Variants in MADD observed in about 807,000 individuals in gnomAD.
The protein encoded by MADD is MAP kinase-activating death domain protein.
MADD carries 109 observed loss-of-function variants against 176.7 expected under a neutral mutation model. The observed-to-expected ratio is 0.62, with a 90% CI of 0.53 to 0.72. The LOEUF (loss-of-function observed/expected upper bound fraction) is 0.72, where lower values mean the gene tolerates loss of function less well. MADD is among the 30% of genes least tolerant of loss of function. The pLI is 0.00. For missense variants in MADD, 1,914 were observed against 2,045.5 expected, an observed-to-expected ratio of 0.94 and a Z score of 1.24; for synonymous variants, 771 against 771.3, an observed-to-expected ratio of 1.00 and a Z score of 0.01.
intron 19 of MADD, among the ~76,000 whole-genome samples, chr11:47,291,182 G>C (rs931954914): frequency 6.6e-6 from 1 of 152,078 alleles, no homozygotes; most frequent in African/African-American, 2.4e-5. Context: ...GCATTTTTGG[G>C]CTATAAAATT....
chr11:47,290,859 C>T, intron 19 of MADD, 43 bp downstream of exon 20: 2 of 1,458,748 alleles, frequency 1.4e-6, no homozygotes, highest in Non-Finnish European at 1.9e-6. Flanking sequence ...GTCCTGGCTT[C>T]TTAAATATCC....
exon 33 of MADD, chr11:47,329,139 G>C: frequency 6.2e-7 from 1 of 1,613,900 alleles, no homozygotes; most frequent in East Asian, 2.2e-5. Flanking sequence ...GCCCCGGCCT[G>C]TCTCTAGCTG....
chr11:47,275,008 C>T lies in MADD; in HGVS notation c.508C>T (p.Arg170Cys), dbSNP rs752184946. 70 of 1,614,106 alleles carry T rather than the reference C, an allele frequency of 4.3e-5. No homozygotes were observed. Among genetic ancestry groups the T allele is most frequent in the Non-Finnish European group, 5.1e-5 (60 of 1,180,052 alleles). Residue 170 changes from arginine (R) to cysteine (C), a missense_variant, in exon 3 of 33, where the codon CGC becomes TGC. By Grantham distance (180) the Arg-to-Cys change is radical. Coordinates refer to ENST00000402192, the Ensembl canonical transcript of MADD. ...CCGGGCCAAGGCGGGGAGCCGCTCCCGCAACAGTACTCTCACGTCCCTGTG... is the reference window on the plus strand; with the variant it reads ...CCGGGCCAAGGCGGGGAGCCGCTCCTGCAACAGTACTCTCACGTCCCTGTG...
exon 33 of MADD, chr11:47,329,225 G>C: frequency 9.0e-7 from 1 of 1,111,024 alleles, no homozygotes; most frequent in Non-Finnish European, 1.4e-6. Context: ...GCACGATGCT[G>C]CTGTGACTGA....
At chr11:47,328,269 G>T (rs1298738232) in intron 31 of MADD, 1 of 1,136,324 alleles carries the variant, frequency 8.8e-7, no homozygotes, top group Non-Finnish European at 1.1e-6. Flanking sequence ...AAGCTAGAGA[G>T]AGCTCTCTCC....
upstream of MADD, chr11:47,269,733 C>A (rs1958413976): frequency 6.6e-6 from 1 of 151,652 alleles, no homozygotes; most frequent in Non-Finnish European, 1.5e-5. Context: ...GCTCGGACGC[C>A]GAGCACCGCC....
rs1194207255 is a variant in MADD at position 47,278,713 on chromosome 11, A to G, written c.1210-286A>G. ...TGGTGGGAAGCCCTTATGTGTGCTCATTGTAAAACTTAAAAAAAATAAAAA... is the reference window on the plus strand; with the variant it reads ...TGGTGGGAAGCCCTTATGTGTGCTCGTTGTAAAACTTAAAAAAAATAAAAA... On this transcript the variant is annotated intron_variant, in intron 6 of 32. Coordinates refer to ENST00000402192, the Ensembl canonical transcript of MADD. Among the ~76,000 whole-genome samples, 4 of 152,180 alleles carry G rather than the reference A, an allele frequency of 2.6e-5. 1 individual carries two copies. Among genetic ancestry groups the G allele is most frequent in the Non-Finnish European group, 5.9e-5 (4 of 68,028 alleles).
rs182735 is a variant in MADD at position 47,291,161 on chromosome 11, A to G, written c.3301+345A>G. On this transcript the variant is annotated intron_variant, in intron 19 of 32. Transcript: ENST00000402192. ...AGAGAATTCCTGGAAGTGCTCAGGA[A>G]GTTTATAGATGCATTTTTGGGCTAT... is the stretch of plus-strand genomic sequence containing the variant. Among the ~76,000 whole-genome samples the G allele has an allele frequency of 6.4e-4, 97 of 152,250 alleles. 1 individual carries two copies. Among genetic ancestry groups the G allele is most frequent in the African/African-American group, 2.3e-3 (95 of 41,542 alleles).
chr11:47,283,918 G>A (rs1429975698), intron 10 of MADD, among the ~76,000 whole-genome samples: 1 of 152,250 alleles, frequency 6.6e-6, no homozygotes, highest in Admixed American at 6.5e-5. Context: ...ATGTTTGCCA[G>A]GCTGGTCTCA....
At chr11:47,327,803 C>G (rs1327011082) in intron 31 of MADD, 1 of 985,338 alleles carries the variant, frequency 1.0e-6, no homozygotes, top group East Asian at 1.1e-4. Context: ...CCTGCCTTTT[C>G]TGGCCCCCAG....
At chr11:47,327,050 C>T (rs563612396) in intron 31 of MADD, 3 of 1,260,228 alleles carry the variant, frequency 2.4e-6, no homozygotes, top group East Asian at 6.7e-5. Flanking sequence ...TAGAGGTGGT[C>T]CTGAAGCAGC....
chr11:47,269,598 CCGCGG>C (rs1217783270), upstream of MADD: 1 of 152,066 alleles, frequency 6.6e-6, no homozygotes, highest in Non-Finnish European at 1.5e-5. Context: ...CCAGCGGGCG[CCGCGG>C]CGCGGCCACG....
chr11:47,278,975 TC>T, intron 6 of MADD, 23 bp from the exon 7 acceptor site: 1 of 1,609,264 alleles, frequency 6.2e-7, no homozygotes, highest in Non-Finnish European at 8.5e-7. Flanking sequence ...TAAGGTCACG[TC>T]TTTTATCATT....
chr11:47,283,163 G>C (rs1049872231), intron 10 of MADD, among the ~76,000 whole-genome samples, 194 bp downstream of exon 10: 1 of 152,066 alleles, frequency 6.6e-6, no homozygotes, highest in Admixed American at 6.6e-5. Flanking sequence ...ACGCAATCTC[G>C]GCTCACTGCC....
chr11:47,300,246 G>GC (rs2076614018), intron 22 of MADD, among the ~76,000 whole-genome samples: 1 of 131,482 alleles, frequency 7.6e-6, no homozygotes, highest in Non-Finnish European at 1.6e-5. Context: ...TTGCTCTGTT[G>GC]CCCAGGCTGG....
At chr11:47,295,033 CAG>C (rs923815254) in intron 20 of MADD, among the ~76,000 whole-genome samples, 2 of 147,134 alleles carry the variant, frequency 1.4e-5, no homozygotes, top group Admixed American at 6.8e-5. Flanking sequence ...TTTTTTGAGA[CAG>C]GGTCTCATTC....
At chr11:47,271,840 T>G (rs1353133922) in intron 1 of MADD, 2 of 152,226 alleles carry the variant, frequency 1.3e-5, no homozygotes, top group Non-Finnish European at 2.9e-5. Context: ...CCCCTTGGAT[T>G]CTGCTCAGGA....
At chr11:47,279,211 A>C (rs1301104933) in intron 7 of MADD, 132 bp downstream of exon 7, 1 of 762,178 alleles carries the variant, frequency 1.3e-6, no homozygotes, top group Non-Finnish European at 2.2e-6. Flanking sequence ...GGATGGGCTT[A>C]AGAAAACGCG....
exon 3 of MADD, chr11:47,274,684 C>G (rs200150188): frequency 5.6e-6 from 9 of 1,614,236 alleles, no homozygotes; most frequent in Non-Finnish European, 6.8e-6. Context: ...CGAGGGCTGC[C>G]TGAGCGTGCG....
Sources: allele counts gnomAD v4.1 joint callset (sites outside exome capture counted in the v4.1 genomes callset), GRCh38; gene constraint gnomAD v4.1.1; transcripts MANE v1.5; gene names NCBI Gene and HGNC (gene_info 2026-07-23, HGNC 2026-07-21).